The following TSHZ3 variants were observed in gnomAD, a reference collection of about 807,000 sequenced individuals.
TSHZ3 encodes the protein teashirt zinc finger homeobox 3.
In TSHZ3, 10 loss-of-function variants were observed where a neutral mutation model predicts 64.5. That is an observed-to-expected ratio of 0.16 (90% CI 0.10 to 0.26). The LOEUF (loss-of-function observed/expected upper bound fraction) is 0.26. TSHZ3 is among the 10% of genes least tolerant of loss of function. The pLI, the probability that TSHZ3 is intolerant of heterozygous loss-of-function variation, is 1.00. For synonymous variants in TSHZ3, 608 were observed against 593.1 expected (o/e 1.03, Z -0.36); for missense variants, 1,242 against 1,421.7 (o/e 0.87, Z 2.03).
At chr19:31,296,554 T>C (rs897446103) in intron 1 of TSHZ3, among the ~76,000 whole-genome samples, 2 of 152,176 alleles carry the variant, frequency 1.3e-5, no homozygotes, top group Admixed American at 6.5e-5. Flanking sequence ...CAGGCTGGTC[T>C]TAAACTCCTG....
Position 31,278,024 on chromosome 19 carries a change from G to T in TSHZ3, c.1769C>A (p.Thr590Asn). The T allele has an allele frequency of 1.2e-6, 2 of 1,613,612 alleles. No homozygotes were observed. The highest frequency in any genetic ancestry group is 8.5e-7 in the Non-Finnish European group (1 of 1,179,518). The change falls in exon 2 of 2, where the codon ACC becomes AAC. Residue 590 changes from threonine to asparagine, a missense_variant. Thr to Asn is a moderately conservative substitution (Grantham distance 65). Transcript: ENST00000240587. The surrounding 1 kb of genome is among the most constrained non-coding windows in gnomAD (Gnocchi z 4.7). ...CTGGCTGCTGGGTGGAGAGACCAGG[G>T]TCTGGTTTTTCGTCGGGGAGACAAT... Reference protein sequence around the residue: ...SEIVSPTKNQTLVSPPSSQTS... With the variant: ...SEIVSPTKNQNLVSPPSSQTS...
chr19:31,250,815 A>G (rs2145191348), intron 1 of TSHZ3, among the ~76,000 whole-genome samples: 1 of 152,286 alleles, frequency 6.6e-6, no homozygotes, highest in South Asian at 2.1e-4. Flanking sequence ...GTGCTCAGTA[A>G]ATGGCAGTAG....
chr19:31,337,375 T>G (rs1164826125), intron 1 of TSHZ3, among the ~76,000 whole-genome samples: 1 of 152,232 alleles, frequency 6.6e-6, no homozygotes, highest in Non-Finnish European at 1.5e-5. Flanking sequence ...AAATGGACTT[T>G]GCACCTATTA....
chr19:31,349,433 G>A lies in TSHZ3; in HGVS notation c.-214C>T. 2.5e-6 allele frequency: 1 copy of A among 404,408 alleles called. No individual in the cohort carries two copies. The highest frequency in any genetic ancestry group is 4.3e-6 in the Non-Finnish European group (1 of 233,272). 25.1% of individuals were successfully genotyped at this position (404,408 alleles called of 1,614,324 possible). On this transcript the variant is annotated 5_prime_UTR_variant, in exon 1 of 2. Transcript: ENST00000240587. ...GCGAACCCCGAACGTGCGGAGGGAA[G>A]AAGGAGGGCGGGCGAGGGAGGCTCG... is the stretch of plus-strand genomic sequence containing the variant.
chr19:31,162,419 G>T lies in TSHZ3; in HGVS notation n.810-6002C>A, dbSNP rs368333822. 3.0e-4 allele frequency among the ~76,000 whole-genome samples: 45 copies of T among 152,224 alleles called. No individual in the cohort carries two copies. The South Asian group carries it at 9.2e-3, about 31-fold the overall frequency. ...ATTTATGTGAGTCTTGCAAATAGAG[G>T]AGGGGGAAATTATTTCCTGGCCCGC... On this transcript the variant is annotated intron_variant and non_coding_transcript_variant, in intron 5 of 6. Coordinates refer to the TSHZ3 transcript ENST00000651361.
intron 1 of TSHZ3, among the ~76,000 whole-genome samples, chr19:31,243,360 T>C (rs1599601577): frequency 6.6e-6 from 1 of 152,250 alleles, no homozygotes; most frequent in African/African-American, 2.4e-5. Context: ...CCTACAATTA[T>C]ACTGTTACAC....
intron 1 of TSHZ3, among the ~76,000 whole-genome samples, chr19:31,327,883 T>G (rs778941109): frequency 6.6e-6 from 1 of 152,262 alleles, no homozygotes; most frequent in East Asian, 1.9e-4. Context: ...ATTTGTTTAG[T>G]GTTCTCTTTC....
rs188441334 is a variant in TSHZ3 at position 31,278,868 on chromosome 19, C to T, written c.925G>A (p.Val309Ile). ...ATGATTTTGGCGGCGACAGGAGTGA[C>T]GGGTTCCTTCAGAGGCACTTTTTGG... ...HYQKVPLKEP[V>I]TPVAAKIIPA... The change falls in exon 2 of 2, where the codon GTC (valine) becomes ATC (isoleucine). Residue 309 changes from valine (V) to isoleucine (I), a missense_variant. Transcript: ENST00000240587. The surrounding 1 kb of genome is among the most constrained non-coding windows in gnomAD (Gnocchi z 4.7). 48 of 1,614,074 alleles carry T rather than the reference C, an allele frequency of 3.0e-5. No homozygotes were observed. The South Asian group carries it at 4.1e-4, about 14-fold the overall frequency.
intron 1 of TSHZ3, among the ~76,000 whole-genome samples, chr19:31,347,348 G>A (rs1416827626): frequency 6.6e-6 from 1 of 152,020 alleles, no homozygotes; most frequent in East Asian, 1.9e-4. Context: ...GGGTGCAACC[G>A]AAGAGATGAA....
At chr19:31,202,001 T>C (rs113291898) in intron 5 of TSHZ3, among the ~76,000 whole-genome samples, 42 of 152,134 alleles carry the variant, frequency 2.8e-4, no homozygotes, top group African/African-American at 9.2e-4. Flanking sequence ...ACCCCATCTC[T>C]ACTAAAAATA....
chr19:31,292,641 CTCCA>C (rs1976586325), intron 1 of TSHZ3, among the ~76,000 whole-genome samples: 1 of 151,860 alleles, frequency 6.6e-6, no homozygotes, highest in Non-Finnish European at 1.5e-5. Context: ...CCAGCCAACC[CTCCA>C]TCCATCTACC....
chr19:31,234,531 G>A lies in TSHZ3; in HGVS notation n.551-6391C>T, dbSNP rs529629511. Among the ~76,000 whole-genome samples, 2 of 152,264 alleles carry A rather than the reference G, an allele frequency of 1.3e-5. 1 individual carries two copies. Among genetic ancestry groups the A allele is most frequent in the African/African-American group, 4.8e-5 (2 of 41,556 alleles). On this transcript the variant is annotated intron_variant and non_coding_transcript_variant, in intron 3 of 6. Coordinates refer to the TSHZ3 transcript ENST00000651361. ...CTGTATGATTTTCATAGATGCCCAC[G>A]ATCAGGTTGAGAAGGTTTCCTTCTA...
chr19:31,322,025 C>T (rs896495820), intron 1 of TSHZ3, among the ~76,000 whole-genome samples: 2 of 152,182 alleles, frequency 1.3e-5, no homozygotes, highest in South Asian at 4.1e-4. Context: ...GTTCCCCTCC[C>T]TGTGTCCATA....
At chr19:31,333,211 A>G (rs972095477) in intron 1 of TSHZ3, among the ~76,000 whole-genome samples, 1 of 152,172 alleles carries the variant, frequency 6.6e-6, no homozygotes, top group Non-Finnish European at 1.5e-5. Context: ...AGAGATCTAC[A>G]TGAACAGGGC....
At chr19:31,300,521 G>A (rs548227542) in intron 1 of TSHZ3, among the ~76,000 whole-genome samples, 1 of 152,270 alleles carries the variant, frequency 6.6e-6, no homozygotes, top group South Asian at 2.1e-4. Flanking sequence ...AAAGTAGCTA[G>A]GTTATAACCA....
At chr19:31,250,433 C>G (rs562287973) in intron 1 of TSHZ3, among the ~76,000 whole-genome samples, 122 of 152,292 alleles carry the variant, frequency 8.0e-4, no homozygotes, top group African/African-American at 2.7e-3. Flanking sequence ...GCTGTCAGCT[C>G]TATCCACACA....
intron 5 of TSHZ3, chr19:31,167,379 T>C (rs1974469128): frequency 6.6e-6 from 1 of 152,212 alleles, no homozygotes; most frequent in Non-Finnish European, 1.5e-5. Context: ...GAACATCCAA[T>C]TCAAGCCCCC....
chr19:31,326,225 A>G (rs556158571), intron 1 of TSHZ3, among the ~76,000 whole-genome samples: 88 of 152,370 alleles, frequency 5.8e-4, no homozygotes, highest in Middle Eastern at 3.4e-3. Context: ...TTGCACCAAC[A>G]TAAATATCTA....
chr19:31,346,436 G>T (rs1361155921), intron 1 of TSHZ3, among the ~76,000 whole-genome samples: 1 of 152,202 alleles, frequency 6.6e-6, no homozygotes, highest in African/African-American at 2.4e-5. Flanking sequence ...CGTCGAGCTT[G>T]TCATCTCCAA....
Sources: gnomAD v4.1 joint callset for allele counts (sites outside exome capture counted in the v4.1 genomes callset) on GRCh38, gnomAD v4.1.1 for gene constraint, Gnocchi (gnomAD v3.1) non-coding constraint, MANE v1.5 for transcripts, NCBI Gene and HGNC (gene_info 2026-07-23, HGNC 2026-07-21) for gene names.